ACER2: variants seen among roughly 807,000 people sequenced by gnomAD.
ACER2 encodes alkCDase 2.
In ACER2, 26 loss-of-function variants were observed where a neutral mutation model predicts 34.7. That is an observed-to-expected ratio of 0.75 (90% CI 0.55 to 1.04). The LOEUF (loss-of-function observed/expected upper bound fraction) is 1.04, where lower values mean the gene tolerates loss of function less well. ACER2 is among the 50% of genes least tolerant of loss of function. ACER2 has a pLI of 0.00. For synonymous variants in ACER2, 138 were observed against 132.1 expected, an observed-to-expected ratio of 1.04 and a Z score of -0.31; for missense variants, 352 against 340.8, an observed-to-expected ratio of 1.03 and a Z score of -0.26.
chr9:19,422,859 C>A (rs899806494), intron 1 of ACER2, among the ~76,000 whole-genome samples: 1 of 151,590 alleles, frequency 6.6e-6, no homozygotes, highest in Non-Finnish European at 1.5e-5. Context: ...TGGTGAAACC[C>A]CGTCTCTACT....
intron 3 of ACER2, among the ~76,000 whole-genome samples, chr9:19,427,948 G>A (rs1830622047): frequency 6.6e-6 from 1 of 151,684 alleles, no homozygotes; most frequent in Non-Finnish European, 1.5e-5. Flanking sequence ...TTACAGGTGT[G>A]AGCCATCATG....
intron 1 of ACER2, 118 bp downstream of exon 1, chr9:19,409,310 G>C (rs1830012305): frequency 1.0e-6 from 1 of 972,676 alleles, no homozygotes; most frequent in Admixed American, 2.2e-5. Flanking sequence ...TTCTCTCCAG[G>C]GGCTGAGTCA....
At chr9:19,446,740 G>T in intron 5 of ACER2, 3 of 710,208 alleles carry the variant, frequency 4.2e-6, no homozygotes, top group Non-Finnish European at 5.2e-6. Flanking sequence ...TAGGTGTTGG[G>T]GGAGGGGAGA....
chr9:19,441,933 C>T (rs753476373), intron 4 of ACER2, among the ~76,000 whole-genome samples: 25 of 152,202 alleles, frequency 1.6e-4, no homozygotes, highest in Non-Finnish European at 1.6e-4. Context: ...TCACTGCACG[C>T]TAGTTTGCTC....
At chr9:19,447,994 A>G (rs1005089904) in intron 5 of ACER2, among the ~76,000 whole-genome samples, 1 of 141,558 alleles carries the variant, frequency 7.1e-6, no homozygotes, top group Non-Finnish European at 1.5e-5. Flanking sequence ...CATTCTATAC[A>G]CGATGCAAAC....
chr9:19,434,238 C>T (rs1362454484), intron 3 of ACER2, among the ~76,000 whole-genome samples: 2 of 152,070 alleles, frequency 1.3e-5, no homozygotes, highest in Admixed American at 1.3e-4. Context: ...AGGCGCTCCT[C>T]ACTTCCCAGA....
intron 1 of ACER2, among the ~76,000 whole-genome samples, chr9:19,412,145 G>C (rs904075108): frequency 9.2e-5 from 14 of 152,058 alleles, no homozygotes; most frequent in African/African-American, 3.1e-4. Flanking sequence ...CTCCTGTCTT[G>C]GGATCATTTT....
intron 4 of ACER2, among the ~76,000 whole-genome samples, chr9:19,442,328 C>A (rs988291003): frequency 6.6e-6 from 1 of 152,178 alleles, no homozygotes; most frequent in Admixed American, 6.5e-5. Flanking sequence ...GATTTTTGTC[C>A]GCCCTTTTTC....
intron 3 of ACER2, among the ~76,000 whole-genome samples, chr9:19,425,152 A>T (rs1168205825): frequency 6.6e-6 from 1 of 152,220 alleles, no homozygotes; most frequent in Non-Finnish European, 1.5e-5. Flanking sequence ...CTGAATGCTT[A>T]TTCAATACTC....
chr9:19,436,687 T>G (rs1830988687), intron 4 of ACER2, among the ~76,000 whole-genome samples: 1 of 152,266 alleles, frequency 6.6e-6, no homozygotes, highest in Non-Finnish European at 1.5e-5. Flanking sequence ...TCGTTTTAAA[T>G]GGCCATGTAG....
At chr9:19,445,556 T>C (rs1452328798) in intron 4 of ACER2, among the ~76,000 whole-genome samples, 1 of 152,168 alleles carries the variant, frequency 6.6e-6, no homozygotes, top group African/African-American at 2.4e-5. Context: ...GCTTACTGAG[T>C]GACATTTGAG....
At chr9:19,444,747 G>A (rs1486995275) in intron 4 of ACER2, among the ~76,000 whole-genome samples, 1 of 152,204 alleles carries the variant, frequency 6.6e-6, no homozygotes, top group Non-Finnish European at 1.5e-5. Context: ...GCCCAAAGGC[G>A]AGGCATTCAA....
intron 1 of ACER2, among the ~76,000 whole-genome samples, chr9:19,414,679 T>A (rs761538246): frequency 6.6e-6 from 1 of 152,124 alleles, no homozygotes; most frequent in African/African-American, 2.4e-5. Flanking sequence ...GGCACATGCC[T>A]GTGGTCCCAG....
intron 5 of ACER2, among the ~76,000 whole-genome samples, chr9:19,448,392 C>CAT (rs1050261609): frequency 6.6e-6 from 1 of 152,128 alleles, no homozygotes; most frequent in African/African-American, 2.4e-5. Context: ...CATACCAATA[C>CAT]ATATATATAA....
intron 3 of ACER2, among the ~76,000 whole-genome samples, chr9:19,431,649 C>T (rs1830757682): frequency 6.6e-6 from 1 of 152,160 alleles, no homozygotes; most frequent in Non-Finnish European, 1.5e-5. Flanking sequence ...AGAACAGCAG[C>T]CGAGGCCAGG....
chr9:19,425,473 T>C (rs752811487), intron 3 of ACER2, among the ~76,000 whole-genome samples: 7 of 152,262 alleles, frequency 4.6e-5, no homozygotes, highest in Non-Finnish European at 7.3e-5. Flanking sequence ...TGAACACTTA[T>C]ATTTTACTGT....
In ACER2 at chr9:19,450,466, C is replaced by G. The variant is rs373014954; in HGVS notation, c.658C>G (p.Leu220Val). The G allele has an allele frequency of 4.4e-6, 7 of 1,601,338 alleles. No homozygotes were observed. Among genetic ancestry groups the G allele is most frequent in the African/African-American group, 1.3e-5 (1 of 74,760 alleles). Reference protein sequence around the residue: ...LHCMWHILICLAAYLGCVCFA... With the variant: ...LHCMWHILICVAAYLGCVCFA... ...CCTCTGCAGGCACATCCTCATCTGC[C>G]TTGCTGCCTACCTGGGCTGTGTATG... Residue 220 changes from leucine (L) to valine (V), a missense_variant, in exon 6 of 6, where the codon CTT becomes GTT. Coordinates refer to ENST00000340967, the MANE Select transcript of ACER2 (RefSeq NM_001010887.3).
At chr9:19,436,867 C>T (rs1830993609) in intron 4 of ACER2, among the ~76,000 whole-genome samples, 1 of 152,218 alleles carries the variant, frequency 6.6e-6, no homozygotes, top group Non-Finnish European at 1.5e-5. Flanking sequence ...TGGCCTTCTA[C>T]TTCCAAATAG....
intron 4 of ACER2, among the ~76,000 whole-genome samples, chr9:19,441,650 C>G (rs1788073098): frequency 6.6e-6 from 1 of 152,162 alleles, no homozygotes; most frequent in Admixed American, 6.5e-5. Context: ...CTTTATGGCA[C>G]CCATCCTGAT....
Sources: allele counts gnomAD v4.1 joint callset (sites outside exome capture counted in the v4.1 genomes callset), GRCh38; gene constraint gnomAD v4.1.1; transcripts MANE v1.5; gene names NCBI Gene and HGNC (gene_info 2026-07-23, HGNC 2026-07-21).